MSANTD3: variants seen among roughly 807,000 people sequenced by gnomAD.
MSANTD3 encodes Myb/SANT DNA binding domain containing 3.
A neutral mutation model predicts 27.7 loss-of-function variants in MSANTD3; 11 were observed. The ratio of observed to expected loss-of-function variants is 0.40; its 90% CI spans 0.25 to 0.66. The LOEUF (loss-of-function observed/expected upper bound fraction) is 0.66. MSANTD3 is among the 30% of genes least tolerant of loss of function. The pLI is 0.41. For missense variants in MSANTD3, 250 were observed against 336.5 expected, an observed-to-expected ratio of 0.74 and a Z score of 2.01; for synonymous variants, 131 against 127.2, an observed-to-expected ratio of 1.03 and a Z score of -0.20.
intron 2 of MSANTD3, chr9:100,448,510 AG>A: frequency 2.0e-6 from 2 of 985,452 alleles, no homozygotes; most frequent in Middle Eastern, 1.0e-3. Flanking sequence ...TTACCCACAC[AG>A]AGCACTGTTC....
Position 100,451,097 on chromosome 9 carries a change from G to A in MSANTD3, c.*131G>A. On this transcript the variant is annotated 3_prime_UTR_variant, in exon 3 of 3. Coordinates refer to ENST00000395067, the MANE Select transcript of MSANTD3 (RefSeq NM_080655.3). ...AGAGTGGTAGTAGTCACTTATTTAAGAATTCATTCAGGTAAACAGCTGCAC... is the reference window on the plus strand; with the variant it reads ...AGAGTGGTAGTAGTCACTTATTTAAAAATTCATTCAGGTAAACAGCTGCAC... 1.1e-6 allele frequency: 1 copy of A among 903,256 alleles called. No individual in the cohort carries two copies. Among genetic ancestry groups the A allele is most frequent in the Non-Finnish European group, 1.6e-6 (1 of 606,328 alleles). The allele number at this position is 903,256 out of a possible 1,614,324, so 56.0% of individuals were successfully genotyped here. A position where few individuals can be genotyped will look rare whatever the true frequency, so the allele number is the denominator to read the frequency against.
intron 1 of MSANTD3, among the ~76,000 whole-genome samples, chr9:100,439,570 C>T (rs983083244): frequency 5.3e-5 from 8 of 150,764 alleles, no homozygotes; most frequent in Admixed American, 2.0e-4. Flanking sequence ...AGTGCAGTGG[C>T]GCGATCTCAG....
intron 2 of MSANTD3, among the ~76,000 whole-genome samples, chr9:100,442,992 G>A (rs1163104473): frequency 6.6e-6 from 1 of 152,050 alleles, no homozygotes; most frequent in Admixed American, 6.6e-5. Context: ...ATGTTAAAGA[G>A]AATTGTATGA....
chr9:100,430,624 T>A (rs1379085140), intron 1 of MSANTD3, among the ~76,000 whole-genome samples: 1 of 152,134 alleles, frequency 6.6e-6, no homozygotes, highest in Non-Finnish European at 1.5e-5. Context: ...TGGAAGAGGG[T>A]ATGGAAGTTT....
rs1272422992 is a variant in MSANTD3, at chr9:100,448,861, C to T, written c.419-1696C>T. ...ACTTTTTCTTTTTTTTTAAACTTCT[C>T]TTCCAGAAGTAAGATTTTTACCTTT... On this transcript the variant is annotated intron_variant, in intron 2 of 2. Transcript: ENST00000395067. The T allele has an allele frequency of 7.1e-6, 7 of 984,868 alleles. No individual in the cohort carries two copies. The African/African-American group carries it at 1.2e-4, about 17-fold the overall frequency. 61.0% of individuals were successfully genotyped at this position (984,868 alleles called of 1,614,324 possible).
At chr9:100,448,678 T>C in intron 2 of MSANTD3, 2 of 985,322 alleles carry the variant, frequency 2.0e-6, no homozygotes, top group Non-Finnish European at 1.2e-6. Context: ...ACTTAGAGAC[T>C]TGAAAGGGAG....
rs560582002 is a variant in MSANTD3, at chr9:100,437,121, C to T, written c.-33-4785C>T. Among the ~76,000 whole-genome samples the T allele has an allele frequency of 2.0e-5, 3 of 152,200 alleles. No individual in the cohort carries two copies. The South Asian group carries it at 6.2e-4, about 32-fold the overall frequency. ...TGCCTGGCCCAAACATACAGTCTTA[C>T]TGGATCAAGGGCGGAAATTATTTCA... On this transcript the variant is annotated intron_variant, in intron 1 of 2. Coordinates refer to ENST00000395067, the MANE Select transcript of MSANTD3 (RefSeq NM_080655.3).
At chr9:100,444,272 A>G (rs1265954651) in intron 2 of MSANTD3, 1 of 152,110 alleles carries the variant, frequency 6.6e-6, no homozygotes, top group African/African-American at 2.4e-5. Flanking sequence ...GGAACCTCAT[A>G]CATCGATTTC....
chr9:100,449,015 A>G lies in MSANTD3; in HGVS notation c.419-1542A>G, dbSNP rs1836821798. 4.1e-6 allele frequency: 4 copies of G among 985,250 alleles called. No homozygotes were observed. The African/African-American group carries it at 5.2e-5, about 13-fold the overall frequency. The allele number at this position is 985,250 out of a possible 1,614,324, so 61.0% of individuals were successfully genotyped here. A position where few individuals can be genotyped will look rare whatever the true frequency, so the allele number is the denominator to read the frequency against. On this transcript the variant is annotated intron_variant, in intron 2 of 2. Coordinates refer to ENST00000395067, the MANE Select transcript of MSANTD3 (RefSeq NM_080655.3). ...TAGGTTTCCCCCAGTACCCATGAAC[A>G]TTCCCAGCATCTCATCTTCCAGAAT...
At chr9:100,445,859 C>T (rs566178886) in intron 2 of MSANTD3, among the ~76,000 whole-genome samples, 13 of 152,220 alleles carry the variant, frequency 8.5e-5, no homozygotes, top group East Asian at 3.9e-4. Context: ...CATCTGCATT[C>T]GAACACACTA....
intron 2 of MSANTD3, among the ~76,000 whole-genome samples, chr9:100,449,649 C>T (rs923185405): frequency 2.6e-5 from 4 of 151,946 alleles, no homozygotes; most frequent in African/African-American, 9.7e-5. Context: ...TGTGGTAGGA[C>T]TGAAGGGTGA....
At chr9:100,444,848 G>A (rs1479011265) in intron 2 of MSANTD3, 1 of 196,262 alleles carries the variant, frequency 5.1e-6, no homozygotes, top group African/African-American at 2.3e-5. Flanking sequence ...TCAGCAAGAA[G>A]GGAATAAAGG....
At chr9:100,432,058 C>G (rs1321555711) in intron 1 of MSANTD3, among the ~76,000 whole-genome samples, 2 of 152,054 alleles carry the variant, frequency 1.3e-5, no homozygotes, top group Non-Finnish European at 2.9e-5. Flanking sequence ...ATAGAGGGGA[C>G]TGTGAGGATG....
chr9:100,444,799 G>A (rs997129818), intron 2 of MSANTD3: 7 of 162,610 alleles, frequency 4.3e-5, no homozygotes, highest in Middle Eastern at 3.0e-3. Flanking sequence ...TGGAAGAAAT[G>A]ATGTAATTCA....
chr9:100,445,305 G>C (rs1406584165), intron 2 of MSANTD3: 1 of 949,322 alleles, frequency 1.1e-6, no homozygotes, highest in Non-Finnish European at 1.7e-6. Context: ...GAATGTGTGT[G>C]TGTGATCTTT....
intron 1 of MSANTD3, among the ~76,000 whole-genome samples, chr9:100,432,590 A>G (rs189165420): frequency 6.6e-6 from 1 of 152,368 alleles, no homozygotes; most frequent in Admixed American, 6.5e-5. Flanking sequence ...GTAATTCCAC[A>G]AATATTTATT....
At chr9:100,448,729 C>A in intron 2 of MSANTD3, 1 of 985,314 alleles carries the variant, frequency 1.0e-6, no homozygotes, top group Non-Finnish European at 1.2e-6. Flanking sequence ...CAGAGGTAGG[C>A]CCAGGAGGCA....
At chr9:100,440,488 G>A (rs1037897056) in intron 1 of MSANTD3, among the ~76,000 whole-genome samples, 11 of 151,818 alleles carry the variant, frequency 7.2e-5, no homozygotes, top group South Asian at 2.1e-4. Context: ...AAAACAGCCC[G>A]CATACCTGAA....
intron 2 of MSANTD3, chr9:100,448,552 T>C: frequency 3.0e-6 from 3 of 985,396 alleles, no homozygotes; most frequent in Non-Finnish European, 3.6e-6. Context: ...TTGGGAGGGA[T>C]GTGACCCACT....
Sources: gnomAD v4.1 joint callset for allele counts (sites outside exome capture counted in the v4.1 genomes callset) on GRCh38, gnomAD v4.1.1 for gene constraint, MANE v1.5 for transcripts, NCBI Gene and HGNC (gene_info 2026-07-23, HGNC 2026-07-21) for gene names.